The following PCBP3 variants were observed in gnomAD, a reference collection of about 807,000 sequenced individuals.
PCBP3 encodes the protein poly(rC)-binding protein 3.
Under a neutral mutation model 52.7 loss-of-function variants are expected in PCBP3, and 25 were observed. The observed-to-expected ratio is 0.47, with a 90% CI of 0.35 to 0.66. The LOEUF is 0.66. PCBP3 is among the 30% of genes least tolerant of loss of function. The pLI, the probability that PCBP3 is intolerant of heterozygous loss-of-function variation, is 0.01. For missense variants in PCBP3, 391 were observed against 490.3 expected (o/e 0.80, Z 1.91); for synonymous variants, 162 against 183.0 (o/e 0.89, Z 0.93).
chr21:45,727,740 T>G lies in PCBP3; in HGVS notation c.-199-7652T>G, dbSNP rs1187437946. On this transcript the variant is annotated intron_variant, in intron 2 of 17. Coordinates refer to ENST00000681687, the MANE Select transcript of PCBP3 (RefSeq NM_001384156.1). ...GGTTGGGGTGTGGGCTCTGGATTGG[T>G]GGGTTTGTATTTGAAAGGTACACTC... Among the ~76,000 whole-genome samples, 4 of 152,070 alleles carry G rather than the reference T, an allele frequency of 2.6e-5. No homozygotes were observed. The East Asian group carries it at 7.7e-4, about 29-fold the overall frequency.
In PCBP3 at chr21:45,837,528, A is replaced by G. The variant is rs1303728727; in HGVS notation, c.-125-12433A>G. On this transcript the variant is annotated intron_variant, in intron 4 of 17. Transcript: ENST00000681687. The surrounding 1 kb of genome is among the most constrained non-coding windows in gnomAD (Gnocchi z 4.1). ...TGGAAATTCTCCTGCGGGCGGTTTC[A>G]TGTCGAAGGCCTACCTGTAGCCCTG... 1.3e-5 allele frequency among the ~76,000 whole-genome samples: 2 copies of G among 152,088 alleles called. 1 individual carries two copies. The highest frequency in any genetic ancestry group is 4.2e-4 in the South Asian group (2 of 4,810).
chr21:45,778,920 T>G (rs2090443023), intron 4 of PCBP3, among the ~76,000 whole-genome samples: 1 of 152,104 alleles, frequency 6.6e-6, no homozygotes, highest in Non-Finnish European at 1.5e-5. Flanking sequence ...GGTGGGTCCA[T>G]CCTTGGTGGC....
chr21:45,647,494 G>T (rs1453204334), intron 1 of PCBP3, among the ~76,000 whole-genome samples: 2 of 152,182 alleles, frequency 1.3e-5, no homozygotes, highest in African/African-American at 4.8e-5. Context: ...CAATTCATTT[G>T]GGCCGAGAAT....
At chr21:45,787,316 C>G (rs2091230613) in intron 4 of PCBP3, among the ~76,000 whole-genome samples, 1 of 152,132 alleles carries the variant, frequency 6.6e-6, no homozygotes, top group Non-Finnish European at 1.5e-5. Flanking sequence ...GTGATCATAG[C>G]TCACTGCATC....
chr21:45,672,365 A>G (rs1040297780), intron 2 of PCBP3, among the ~76,000 whole-genome samples: 2 of 152,082 alleles, frequency 1.3e-5, no homozygotes, highest in Admixed American at 6.6e-5. Context: ...AAAATGGACT[A>G]AAATAGGGAG....
intron 16 of PCBP3, among the ~76,000 whole-genome samples, chr21:45,937,355 C>T (rs1052803058): frequency 6.6e-6 from 1 of 152,202 alleles, no homozygotes; most frequent in Non-Finnish European, 1.5e-5. Context: ...TCAGTCCTTG[C>T]TCTTGGTCAT....
At chr21:45,931,581 C>T (rs2076175042) in intron 15 of PCBP3, among the ~76,000 whole-genome samples, 1 of 150,838 alleles carries the variant, frequency 6.6e-6, no homozygotes, top group Admixed American at 6.6e-5. Context: ...GCCTCCTTTA[C>T]CCCTGGTACC....
intron 4 of PCBP3, among the ~76,000 whole-genome samples, chr21:45,806,600 C>T (rs1290353452): frequency 6.6e-6 from 1 of 151,936 alleles, no homozygotes; most frequent in African/African-American, 2.4e-5. Flanking sequence ...CTTTTCACAA[C>T]CTTGAAAGGT....
chr21:45,928,917 C>T lies in PCBP3; in HGVS notation c.718-1000C>T, dbSNP rs1335668413. Among the ~76,000 whole-genome samples, 1 of 152,134 alleles carries T rather than the reference C, an allele frequency of 6.6e-6. No homozygotes were observed. The highest frequency in any genetic ancestry group is 1.5e-5 in the Non-Finnish European group (1 of 67,998). On this transcript the variant is annotated intron_variant, in intron 13 of 17. Coordinates refer to ENST00000681687, the MANE Select transcript of PCBP3 (RefSeq NM_001384156.1). The surrounding 1 kb of genome is among the most constrained non-coding windows in gnomAD (Gnocchi z 4.1). ...CCACAGAGGAGCTTTGCCCAGGGTC[C>T]TCCTGAGCCCCAGGACACCCTCTGC...
At chr21:45,739,283 A>T (rs1489541972) in intron 3 of PCBP3, among the ~76,000 whole-genome samples, 1 of 18,142 alleles carries the variant, frequency 5.5e-5, no homozygotes, top group Admixed American at 8.3e-4. Context: ...TGGCCCCCCC[A>T]TCTTCATCAG....
intron 11 of PCBP3, among the ~76,000 whole-genome samples, chr21:45,912,998 G>A (rs1001122117): frequency 2.0e-5 from 3 of 152,274 alleles, no homozygotes; most frequent in South Asian, 2.1e-4. Context: ...CAAGGCCCCA[G>A]AACTCCCAGC....
Position 45,893,921 on chromosome 21 carries a change from A to G in PCBP3, c.11-2287A>G, listed in dbSNP as rs1603473352. ...TTCCTGGTAGCCACTGAGCTGCCCC[A>G]TGGACACTGGGCAGATGGCCAGTGT... On this transcript the variant is annotated intron_variant, in intron 5 of 17. Transcript: ENST00000681687. 6.1e-6 allele frequency: 6 copies of G among 985,186 alleles called. No homozygotes were observed. The South Asian group carries it at 1.4e-4, about 23-fold the overall frequency. The allele number at this position is 985,186 out of a possible 1,614,324, so 61.0% of individuals were successfully genotyped here.
At position 45,942,034 on chromosome 21, in the gene PCBP3, G is replaced by A. The variant is rs1302007640; in HGVS notation, c.*328G>A. On this transcript the variant is annotated 3_prime_UTR_variant, in exon 18 of 18. Transcript: ENST00000681687. The stretch of plus-strand genomic sequence containing the variant: ...GCTGTCTGTCTTAGGAGCTGGGTCG[G>A]CGTTCCGACAGCACTTCCTGTCCGC... 7.0e-6 allele frequency: 2 copies of A among 283,922 alleles called. No homozygotes were observed. Among genetic ancestry groups the A allele is most frequent in the Non-Finnish European group, 1.3e-5 (2 of 153,006 alleles). The allele number at this position is 283,922 out of a possible 1,614,324, so 17.6% of individuals were successfully genotyped here. A position where few individuals can be genotyped will look rare whatever the true frequency, so the allele number is the denominator to read the frequency against.
At position 45,724,402 on chromosome 21, in the gene PCBP3, C is replaced by T. The variant is rs911541548; in HGVS notation, c.-199-10990C>T. On this transcript the variant is annotated intron_variant, in intron 2 of 17. Transcript: ENST00000681687. This position sits in a 1 kb window ranked among gnomAD's most constrained non-coding sequence, Gnocchi z 5.3. ...GGGTGGTGCATGGGGGCTGCCCACACTCCCTGCTGCTTTCTGCTCTCTGCT... is the reference window on the plus strand; with the variant it reads ...GGGTGGTGCATGGGGGCTGCCCACATTCCCTGCTGCTTTCTGCTCTCTGCT... 1.3e-5 allele frequency among the ~76,000 whole-genome samples: 2 copies of T among 152,038 alleles called. No individual in the cohort carries two copies. The highest frequency in any genetic ancestry group is 2.4e-5 in the African/African-American group (1 of 41,386).
intron 4 of PCBP3, among the ~76,000 whole-genome samples, chr21:45,796,449 T>C (rs1296487614): frequency 2.0e-5 from 3 of 152,244 alleles, no homozygotes; most frequent in African/African-American, 7.2e-5. Context: ...TGTTTGCACT[T>C]CCTTGTCTGT....
At chr21:45,914,378 G>A in intron 12 of PCBP3, 2 of 493,392 alleles carry the variant, frequency 4.1e-6, no homozygotes, top group South Asian at 3.4e-5. Context: ...GTTGGAAACA[G>A]CATGGTGAGA....
chr21:45,768,193 G>A (rs541925369), intron 4 of PCBP3, among the ~76,000 whole-genome samples: 59 of 152,366 alleles, frequency 3.9e-4, no homozygotes, highest in African/African-American at 1.3e-3. Flanking sequence ...GTGTGTGGCC[G>A]TGTGGTGCCT....
At chr21:45,698,824 A>T (rs1280790583) in intron 2 of PCBP3, among the ~76,000 whole-genome samples, 14 of 152,214 alleles carry the variant, frequency 9.2e-5, no homozygotes, top group Admixed American at 7.8e-4. Flanking sequence ...CCTGAGTTTA[A>T]TGCATCATGA....
intron 2 of PCBP3, among the ~76,000 whole-genome samples, chr21:45,682,759 A>G (rs1477972847): frequency 1.3e-5 from 2 of 152,144 alleles, no homozygotes; most frequent in Non-Finnish European, 2.9e-5. Flanking sequence ...CAGAAGGATG[A>G]TTGTATTATG....
Sources: allele counts gnomAD v4.1 joint callset (sites outside exome capture counted in the v4.1 genomes callset), GRCh38; gene constraint gnomAD v4.1.1; non-coding constraint Gnocchi (gnomAD v3.1); transcripts MANE v1.5; gene names NCBI Gene and HGNC (gene_info 2026-07-23, HGNC 2026-07-21).